Variants in LMF1 observed in about 807,000 individuals in gnomAD.
The protein encoded by LMF1 is transmembrane protein 112.
LMF1 carries 68 observed loss-of-function variants against 60.6 expected under a neutral mutation model. The ratio of observed to expected loss-of-function variants is 1.12; its 90% CI spans 0.92 to 1.37. LMF1 has a LOEUF of 1.37. Ranked by LOEUF, LMF1 falls within the 40% of genes most tolerant of loss-of-function variation. The pLI, the probability that LMF1 is intolerant of heterozygous loss-of-function variation, is 0.00. For synonymous variants in LMF1, 418 were observed against 324.7 expected (o/e 1.29, Z -3.09); for missense variants, 948 against 767.2 (o/e 1.24, Z -2.78).
At chr16:976,793 G>C (rs767310440) in intron 1 of LMF1, 2 of 454,022 alleles carry the variant, frequency 4.4e-6, no homozygotes, top group African/African-American at 4.0e-5. Flanking sequence ...ACTGGGGAGA[G>C]AGCAGTGCTG....
In LMF1 at chr16:854,070, G is replaced by C. The variant is rs1225909682; in HGVS notation, c.*462C>G. On this transcript the variant is annotated 3_prime_UTR_variant, in exon 11 of 11. Transcript: ENST00000262301. ...GGTTTGGCTGCCCCAGACGTGACAGGGACTTGGCTCTGAGGGTCAGGACCT... is the reference window on the plus strand; with the variant it reads ...GGTTTGGCTGCCCCAGACGTGACAGCGACTTGGCTCTGAGGGTCAGGACCT... 1 of 456,020 alleles carries C rather than the reference G, an allele frequency of 2.2e-6. No individual in the cohort carries two copies. The highest frequency in any genetic ancestry group is 4.4e-6 in the Non-Finnish European group (1 of 228,282). 28.2% of individuals were successfully genotyped at this position (456,020 alleles called of 1,614,324 possible).
In LMF1 at chr16:869,046, T is replaced by C; in HGVS notation, c.1427A>G (p.His476Arg). ...MWFAAFQTYE[H>R]NDWIIHLAGK... is the part of the protein sequence containing the mutation. Reference sequence around the variant, plus strand: ...AGCCAGGTGGATGATCCAGTCGTTGTGCTCGTAGGTCTGGGAGGAGAGGTC... The same window carrying C: ...AGCCAGGTGGATGATCCAGTCGTTGCGCTCGTAGGTCTGGGAGGAGAGGTC... Residue 476 changes from histidine (H) to arginine (R), a missense_variant, in exon 10 of 11, where the codon CAC (histidine) becomes CGC (arginine). By Grantham distance (29) the His-to-Arg change is conservative (BLOSUM62 0). Transcript: ENST00000262301. The C allele has an allele frequency of 6.2e-7, 1 of 1,611,130 alleles. No homozygotes were observed. Among genetic ancestry groups the C allele is most frequent in the Non-Finnish European group, 8.5e-7 (1 of 1,178,280 alleles).
upstream of LMF1, among the ~76,000 whole-genome samples, chr16:971,435 C>T (rs980449595): frequency 6.6e-6 from 1 of 152,256 alleles, no homozygotes; most frequent in South Asian, 2.1e-4. Flanking sequence ...TCACTCTCTG[C>T]GGAGGAGGGT....
At chr16:966,490 T>C (rs993847069) in intron 1 of LMF1, among the ~76,000 whole-genome samples, 5 of 152,232 alleles carry the variant, frequency 3.3e-5, no homozygotes, top group Non-Finnish European at 7.3e-5. Flanking sequence ...AAAGTCAGTC[T>C]GCAAATGCCA....
At chr16:957,864 C>T (rs779983522) in intron 1 of LMF1, among the ~76,000 whole-genome samples, 6 of 152,102 alleles carry the variant, frequency 3.9e-5, no homozygotes, top group Admixed American at 3.9e-4. Flanking sequence ...AGCCTTGGGC[C>T]GGGCGTGGTG....
intron 6 of LMF1, chr16:872,865 T>C (rs1405002337): frequency 6.6e-6 from 1 of 152,296 alleles, no homozygotes; most frequent in Non-Finnish European, 1.5e-5. Flanking sequence ...GTTCGGATGC[T>C]CGGCCATGCC....
intron 9 of LMF1, 48 bp downstream of exon 9, chr16:869,835 G>A (rs779878256): frequency 6.4e-7 from 1 of 1,573,476 alleles, no homozygotes; most frequent in East Asian, 2.3e-5. Context: ...GGGCAGAAGA[G>A]GGTGGGGTAC....
At chr16:879,334 G>A (rs941868166) in intron 6 of LMF1, among the ~76,000 whole-genome samples, 8 of 152,296 alleles carry the variant, frequency 5.3e-5, no homozygotes, top group African/African-American at 1.7e-4. Context: ...TGCAGGAAAC[G>A]CTCTTGGGAG....
upstream of LMF1, chr16:971,034 ATTCTCGGAG>A: frequency 1.4e-6 from 1 of 736,332 alleles, no homozygotes; most frequent in Middle Eastern, 4.4e-4. Context: ...GGCCCCGCCC[ATTCTCGGAG>A]GCCCCGCCTC....
rs1483340356 is a variant in LMF1 at position 954,541 on chromosome 16, A to G, written c.319T>C (p.Phe107Leu). 3 of 1,613,238 alleles carry G rather than the reference A, an allele frequency of 1.9e-6. No homozygotes were observed. The highest frequency in any genetic ancestry group is 1.7e-5 in the Admixed American group (1 of 59,966). Residue 107 changes from phenylalanine to leucine, a missense_variant, in exon 2 of 11, where the codon TTC becomes CTC. Coordinates refer to ENST00000262301, the MANE Select transcript of LMF1 (RefSeq NM_022773.4). ...CAGAGGATGGTGGGCATGTAGCTGA[A>G]GACTTCCCAGCTCGTCCTGTCCTGG... The part of the protein sequence containing the change: ...YFQDRTSWEV[F>L]SYMPTILWLM...
At chr16:970,395 G>A (rs1183369029) in intron 1 of LMF1, among the ~76,000 whole-genome samples, 1 of 152,110 alleles carries the variant, frequency 6.6e-6, no homozygotes, top group East Asian at 1.9e-4. Context: ...CAGCCAGGAC[G>A]CAGACCCCCG....
intron 3 of LMF1, among the ~76,000 whole-genome samples, chr16:924,523 C>T (rs771357600): frequency 7.2e-5 from 11 of 152,154 alleles, no homozygotes; most frequent in Non-Finnish European, 1.2e-4. Context: ...GTGGCATTTT[C>T]GAAGCATTTC....
chr16:974,681 G>A (rs529479025), upstream of LMF1, among the ~76,000 whole-genome samples: 6 of 152,312 alleles, frequency 3.9e-5, no homozygotes, highest in East Asian at 1.2e-3. Flanking sequence ...ACACAAGCCC[G>A]TGGCTGGCCA....
intron 3 of LMF1, among the ~76,000 whole-genome samples, chr16:915,442 T>C (rs2071253841): frequency 1.3e-5 from 2 of 152,276 alleles, no homozygotes; most frequent in East Asian, 1.9e-4. Context: ...TTCTTTTCTA[T>C]TTATGGGAAT....
intron 2 of LMF1, among the ~76,000 whole-genome samples, chr16:942,604 C>T (rs573385938): frequency 5.2e-3 from 649 of 124,906 alleles, no homozygotes; most frequent in Middle Eastern, 8.3e-3. Context: ...GCTACGTGCC[C>T]CATTCTCTGC....
intron 5 of LMF1, chr16:884,094 A>C (rs2070240820): frequency 6.6e-6 from 1 of 152,214 alleles, no homozygotes; most frequent in South Asian, 2.1e-4. Flanking sequence ...CCTGATAAAC[A>C]CTGTGAAATG....
intron 3 of LMF1, among the ~76,000 whole-genome samples, chr16:926,649 C>T (rs190782804): frequency 1.1e-4 from 17 of 152,330 alleles, no homozygotes; most frequent in South Asian, 2.1e-4. Context: ...TAAAAACAAG[C>T]GCCACCAAAG....
intron 9 of LMF1, chr16:869,594 T>C: frequency 1.6e-6 from 1 of 642,084 alleles, no homozygotes. Context: ...AACTTTTGTA[T>C]TGTTCGTAGA....
chr16:956,818 T>C (rs2072715193), intron 1 of LMF1, among the ~76,000 whole-genome samples: 1 of 135,034 alleles, frequency 7.4e-6, no homozygotes, highest in African/African-American at 2.8e-5. Context: ...CACTCCAGCC[T>C]GGACGACAAG....
Sources: allele counts gnomAD v4.1 joint callset (sites outside exome capture counted in the v4.1 genomes callset), GRCh38; gene constraint gnomAD v4.1.1; transcripts MANE v1.5; gene names NCBI Gene and HGNC (gene_info 2026-07-23, HGNC 2026-07-21).